NRG1: variants seen among roughly 807,000 people sequenced by gnomAD.
The protein encoded by NRG1 is pro-neuregulin-1, membrane-bound isoform.
In NRG1, 18 loss-of-function variants were observed where a neutral mutation model predicts 63.8. The observed-to-expected ratio is 0.28, with a 90% CI of 0.19 to 0.42. The LOEUF is 0.42. Among genes scored for constraint, NRG1 ranks in the 10% least tolerant of loss-of-function variants. The pLI is 1.00. For synonymous variants in NRG1, 302 were observed against 301.3 expected, an observed-to-expected ratio of 1.00 and a Z score of -0.02; for missense variants, 762 against 814.7, an observed-to-expected ratio of 0.94 and a Z score of 0.79.
intron 1 of NRG1, among the ~76,000 whole-genome samples, chr8:32,528,467 TACA>T (rs753269491): frequency 5.3e-5 from 8 of 152,202 alleles, no homozygotes; most frequent in Non-Finnish European, 1.2e-4. Context: ...TATTGAGTAG[TACA>T]ACAATAGGTA....
At chr8:32,752,565 C>T (rs1054840939) in intron 7 of NRG1, among the ~76,000 whole-genome samples, 1 of 152,174 alleles carries the variant, frequency 6.6e-6, no homozygotes, top group Non-Finnish European at 1.5e-5. Flanking sequence ...TTGCATCCAC[C>T]TTTTCTTCCC....
At chr8:31,645,727 G>C (rs577924686) in intron 1 of NRG1, among the ~76,000 whole-genome samples, 3 of 152,240 alleles carry the variant, frequency 2.0e-5, no homozygotes, top group South Asian at 2.1e-4. Context: ...AGTTTGTTAG[G>C]AAGTTCTTTC....
At chr8:32,161,566 G>GAA (rs11330845) in intron 1 of NRG1, among the ~76,000 whole-genome samples, 3 of 146,690 alleles carry the variant, frequency 2.0e-5, no homozygotes, top group African/African-American at 7.6e-5. Flanking sequence ...TCATGCAAAT[G>GAA]AAAAAAAAAA....
chr8:32,284,677 C>T (rs562170224), intron 1 of NRG1, among the ~76,000 whole-genome samples: 1 of 152,188 alleles, frequency 6.6e-6, no homozygotes, highest in South Asian at 2.1e-4. Flanking sequence ...ACCACAGGCA[C>T]ATATCAGCAC....
chr8:32,233,403 G>A (rs1847165871), intron 1 of NRG1, among the ~76,000 whole-genome samples: 1 of 151,598 alleles, frequency 6.6e-6, no homozygotes, highest in Non-Finnish European at 1.5e-5. Context: ...ACCACACCCA[G>A]CCATGAGTGT....
At chr8:32,268,773 T>G (rs533299862) in intron 1 of NRG1, among the ~76,000 whole-genome samples, 1 of 152,274 alleles carries the variant, frequency 6.6e-6, no homozygotes, top group African/African-American at 2.4e-5. Context: ...TTTTAGTTTG[T>G]GATACTCAGG....
intron 1 of NRG1, among the ~76,000 whole-genome samples, chr8:31,925,533 C>T (rs1284252855): frequency 3.3e-5 from 5 of 152,042 alleles, no homozygotes; most frequent in Non-Finnish European, 7.4e-5. Context: ...AAATACTTGG[C>T]CTGGATATAC....
chr8:32,525,391 G>GTGTGT (rs1830726560), intron 1 of NRG1, among the ~76,000 whole-genome samples: 1 of 145,794 alleles, frequency 6.9e-6, no homozygotes, highest in African/African-American at 2.6e-5. Context: ...ATGAGGTAGG[G>GTGTGT]GTGTGTGTGT....
rs79267321 is a variant in NRG1 at position 32,718,466 on chromosome 8, C to T, written c.503-9483C>T. Among the ~76,000 whole-genome samples the T allele has an allele frequency of 2.6e-3, 391 of 152,208 alleles. 13 individuals carry two copies. The East Asian group carries it at 0.065, about 25-fold the overall frequency. On this transcript the variant is annotated intron_variant, in intron 5 of 11. Transcript: ENST00000356819. ...CACTAGTCTCATCTCCATGTTTTCC[C>T]GTTCCAAAGGCTGCAGGAGAGACCA...
intron 2 of NRG1, among the ~76,000 whole-genome samples, chr8:32,597,858 G>A (rs1843635478): frequency 6.6e-6 from 1 of 152,150 alleles, no homozygotes; most frequent in Admixed American, 6.5e-5. Context: ...TGCATGAGGG[G>A]AGGAGGAAAT....
intron 1 of NRG1, among the ~76,000 whole-genome samples, chr8:32,055,435 T>C (rs1159715380): frequency 6.6e-6 from 1 of 152,178 alleles, no homozygotes; most frequent in Non-Finnish European, 1.5e-5. Context: ...TATATGCTTA[T>C]GGGCCTTGTC....
intron 7 of NRG1, among the ~76,000 whole-genome samples, chr8:32,748,327 ACGCG>A (rs111644131): frequency 0.04 from 4,672 of 118,050 alleles, 343 homozygotes; most frequent in African/African-American, 0.14. Flanking sequence ...GCGCATGTAC[ACGCG>A]CGCGCGCGCA....
intron 1 of NRG1, among the ~76,000 whole-genome samples, chr8:32,004,970 TAATTCTCAAACCAGAAG>T (rs1477494063): frequency 6.1e-5 from 9 of 147,964 alleles, no homozygotes; most frequent in African/African-American, 2.2e-4. Context: ...TTTGAGAATA[TAATTCTCAAACCAGAAG>T]AAGAAAATTT....
At chr8:31,933,257 C>G (rs1417662511) in intron 1 of NRG1, among the ~76,000 whole-genome samples, 1 of 151,800 alleles carries the variant, frequency 6.6e-6, no homozygotes, top group African/African-American at 2.4e-5. Context: ...CCACAATAAC[C>G]CTGATGGATG....
intron 5 of NRG1, among the ~76,000 whole-genome samples, chr8:32,701,693 T>C (rs993733914): frequency 1.3e-5 from 2 of 152,200 alleles, no homozygotes; most frequent in Admixed American, 1.3e-4. Context: ...CAAAAATAAA[T>C]GGAGAAAATT....
At chr8:32,501,743 A>G (rs1394858318) in intron 1 of NRG1, among the ~76,000 whole-genome samples, 1 of 152,252 alleles carries the variant, frequency 6.6e-6, no homozygotes, top group African/African-American at 2.4e-5. Flanking sequence ...TGAAATAATC[A>G]AAGACATAAT....
chr8:32,447,687 A>G (rs191289905), intron 1 of NRG1, among the ~76,000 whole-genome samples: 336 of 152,224 alleles, frequency 2.2e-3, no homozygotes, highest in African/African-American at 7.7e-3. Flanking sequence ...TAGGCAACAT[A>G]GTGAGACCCC....
At chr8:31,811,477 T>C (rs558393905) in intron 1 of NRG1, among the ~76,000 whole-genome samples, 24 of 152,358 alleles carry the variant, frequency 1.6e-4, no homozygotes, top group African/African-American at 5.1e-4. Flanking sequence ...ATATGATTTT[T>C]TTCCTGGTGT....
At chr8:31,827,404 T>A (rs538315548) in intron 1 of NRG1, among the ~76,000 whole-genome samples, 1 of 152,306 alleles carries the variant, frequency 6.6e-6, no homozygotes, top group African/African-American at 2.4e-5. Flanking sequence ...GCCTTTTTTT[T>A]TCCTTAGTGA....
Sources: gnomAD v4.1 joint callset for allele counts (sites outside exome capture counted in the v4.1 genomes callset) on GRCh38, gnomAD v4.1.1 for gene constraint, MANE v1.5 for transcripts, NCBI Gene and HGNC (gene_info 2026-07-23, HGNC 2026-07-21) for gene names.